SHISAL2B: variants seen among roughly 807,000 people sequenced by gnomAD.
The protein encoded by SHISAL2B is protein shisa-like-2B.
In SHISAL2B, 12 loss-of-function variants were observed where a neutral mutation model predicts 16.5. That is an observed-to-expected ratio of 0.73 (90% CI 0.47 to 1.18). The LOEUF is 1.18. SHISAL2B is among the 50% of genes most tolerant of loss of function. The probability of loss-of-function intolerance (pLI) is 0.00; values close to 1 mark genes in which losing one functional copy is unlikely to be tolerated. For missense variants in SHISAL2B, 183 were observed against 193.6 expected, an observed-to-expected ratio of 0.95 and a Z score of 0.33; for synonymous variants, 72 against 75.0, an observed-to-expected ratio of 0.96 and a Z score of 0.21.
At chr5:64,695,242 G>A (rs1741716052) in intron 1 of SHISAL2B, among the ~76,000 whole-genome samples, 2 of 147,162 alleles carry the variant, frequency 1.4e-5, no homozygotes, top group Admixed American at 1.4e-4. Flanking sequence ...TCTACCATGG[G>A]CTTCAGAGTG....
chr5:64,716,607 A>T (rs1265075583), intron 2 of SHISAL2B, among the ~76,000 whole-genome samples: 1 of 152,192 alleles, frequency 6.6e-6, no homozygotes, highest in African/African-American at 2.4e-5. Context: ...CTTATTGAGA[A>T]GATGACTTTT....
Position 64,713,513 on chromosome 5 carries a change from G to A in SHISAL2B, c.350-4376G>A, listed in dbSNP as rs796225858. Reference sequence around the variant, plus strand: ...CAACTTTGGTGAATCTGACAATTATGTGTCTTGGAGTTGCTCTTCTCAAGG... The same window carrying A: ...CAACTTTGGTGAATCTGACAATTATATGTCTTGGAGTTGCTCTTCTCAAGG... On this transcript the variant is annotated intron_variant, in intron 2 of 2. Coordinates refer to ENST00000389074, the MANE Select transcript of SHISAL2B (RefSeq NM_001164442.2). Among the ~76,000 whole-genome samples, 12 of 113,588 alleles carry A rather than the reference G, an allele frequency of 1.1e-4. No homozygotes were observed. The South Asian group carries it at 3.1e-3, about 29-fold the overall frequency. The allele number at this position is 113,588 out of a possible 152,430, so 74.5% of individuals were successfully genotyped here.
chr5:64,704,577 G>A (rs776780793), intron 2 of SHISAL2B, among the ~76,000 whole-genome samples: 16 of 152,228 alleles, frequency 1.1e-4, no homozygotes, highest in Admixed American at 5.2e-4. Flanking sequence ...CTGTGATGTC[G>A]AATCTTGGCA....
At chr5:64,697,221 ATTT>A (rs1741750685) in intron 2 of SHISAL2B, among the ~76,000 whole-genome samples, 11 of 152,260 alleles carry the variant, frequency 7.2e-5, no homozygotes, top group African/African-American at 2.7e-4. Flanking sequence ...TGAACCAAAT[ATTT>A]GCATGACTCT....
At chr5:64,691,265 T>A (rs1741646688) in intron 1 of SHISAL2B, 1 of 159,090 alleles carries the variant, frequency 6.3e-6, no homozygotes, top group Admixed American at 6.5e-5. Context: ...GAAAGGAGGC[T>A]CCTATGGGGC....
chr5:64,714,112 T>C (rs9647525), intron 2 of SHISAL2B, among the ~76,000 whole-genome samples: 4 of 150,974 alleles, frequency 2.6e-5, no homozygotes, highest in Admixed American at 6.6e-5. Context: ...GGAGGAGAGG[T>C]GCTCTGTGTT....
chr5:64,694,804 C>A (rs970766746), intron 1 of SHISAL2B, among the ~76,000 whole-genome samples: 4 of 152,144 alleles, frequency 2.6e-5, no homozygotes, highest in Middle Eastern at 3.2e-3. Context: ...AGTGCTTTTG[C>A]AGAAACAAAT....
At chr5:64,699,330 A>C (rs1165195870) in intron 2 of SHISAL2B, among the ~76,000 whole-genome samples, 1 of 152,250 alleles carries the variant, frequency 6.6e-6, no homozygotes, top group Non-Finnish European at 1.5e-5. Context: ...AAATAAAAAT[A>C]GTTCAAATGT....
At chr5:64,712,397 TGA>T (rs1376650390) in intron 2 of SHISAL2B, among the ~76,000 whole-genome samples, 2 of 152,234 alleles carry the variant, frequency 1.3e-5, no homozygotes, top group Non-Finnish European at 2.9e-5. Context: ...CACTGTGGTC[TGA>T]GAGACAGTTT....
intron 2 of SHISAL2B, among the ~76,000 whole-genome samples, chr5:64,699,754 A>G (rs1741783156): frequency 6.6e-6 from 1 of 152,188 alleles, no homozygotes; most frequent in Non-Finnish European, 1.5e-5. Flanking sequence ...AGGACACTGA[A>G]CTTTTTTCCC....
At chr5:64,709,683 A>G (rs1003549804) in intron 2 of SHISAL2B, among the ~76,000 whole-genome samples, 1 of 149,036 alleles carries the variant, frequency 6.7e-6, no homozygotes, top group Non-Finnish European at 1.5e-5. Context: ...ATTTCTCCAC[A>G]TCCTCTCCAG....
Position 64,694,535 on chromosome 5 carries a change from A to G in SHISAL2B, c.192-972A>G, listed in dbSNP as rs1439048824. ...AATGATTAGACTTAGAGGTAACTGC[A>G]TCAGACGGAATCATTACAAATTTAG... On this transcript the variant is annotated intron_variant, in intron 1 of 2. Coordinates refer to ENST00000389074, the MANE Select transcript of SHISAL2B (RefSeq NM_001164442.2). Among the ~76,000 whole-genome samples the G allele has an allele frequency of 2.6e-5, 4 of 152,252 alleles. No individual in the cohort carries two copies. In the East Asian group the frequency reaches 5.8e-4, roughly 22 times the overall value.
chr5:64,691,025 A>G (rs939964050), intron 1 of SHISAL2B, among the ~76,000 whole-genome samples: 1 of 152,218 alleles, frequency 6.6e-6, no homozygotes, highest in African/African-American at 2.4e-5. Flanking sequence ...GAGCCAGGAC[A>G]GGAGGCGAGG....
intron 2 of SHISAL2B, among the ~76,000 whole-genome samples, chr5:64,704,680 T>G (rs1049945897): frequency 6.6e-6 from 1 of 152,170 alleles, no homozygotes; most frequent in Non-Finnish European, 1.5e-5. Context: ...TTTATTTAAA[T>G]TGAATCCATG....
chr5:64,693,642 G>A (rs1336702396), intron 1 of SHISAL2B, among the ~76,000 whole-genome samples: 1 of 152,150 alleles, frequency 6.6e-6, no homozygotes, highest in African/African-American at 2.4e-5. Flanking sequence ...ACATTCCCAT[G>A]TGTCTGTGTA....
At chr5:64,708,820 T>C (rs1741909333) in intron 2 of SHISAL2B, among the ~76,000 whole-genome samples, 1 of 152,140 alleles carries the variant, frequency 6.6e-6, no homozygotes, top group African/African-American at 2.4e-5. Context: ...AGAATCAAAT[T>C]ATACTGATTG....
At chr5:64,708,582 TC>T (rs1266882862) in intron 2 of SHISAL2B, among the ~76,000 whole-genome samples, 3 of 152,198 alleles carry the variant, frequency 2.0e-5, no homozygotes, top group Admixed American at 6.5e-5. Flanking sequence ...GATTTTTTAA[TC>T]ATCTTGACAA....
At chr5:64,694,095 T>A in intron 1 of SHISAL2B, 1 of 455,830 alleles carries the variant, frequency 2.2e-6, no homozygotes, top group Non-Finnish European at 4.4e-6. Flanking sequence ...AGGTCAAACT[T>A]GTCAGTGTCC....
rs941270723 is a variant in SHISAL2B, at chr5:64,714,623, G to A, written c.350-3266G>A. 1.6e-3 allele frequency among the ~76,000 whole-genome samples: 249 copies of A among 152,216 alleles called. 1 individual carries two copies. The Middle Eastern group carries it at 0.017, about 10-fold the overall frequency. ...CCTAAGCAAGCCTGGGCAATGGTGG[G>A]CGCCCCTCCCCCAGCCTGGCTGCCG... is the stretch of plus-strand genomic sequence containing the variant. On this transcript the variant is annotated intron_variant, in intron 2 of 2. Coordinates refer to ENST00000389074, the MANE Select transcript of SHISAL2B (RefSeq NM_001164442.2).
Sources: allele counts gnomAD v4.1 joint callset (sites outside exome capture counted in the v4.1 genomes callset), GRCh38; gene constraint gnomAD v4.1.1; transcripts MANE v1.5; gene names NCBI Gene and HGNC (gene_info 2026-07-23, HGNC 2026-07-21).